UNC13C: variants seen among roughly 807,000 people sequenced by gnomAD.
The protein encoded by UNC13C is protein unc-13 homolog C.
Under a neutral mutation model 245.4 loss-of-function variants are expected in UNC13C, and 174 were observed. The ratio of observed to expected loss-of-function variants is 0.71; its 90% CI spans 0.63 to 0.80. UNC13C has a LOEUF of 0.80. Ranked by LOEUF, UNC13C falls within the 30% of genes least tolerant of loss-of-function variation. The pLI, the probability that UNC13C is intolerant of heterozygous loss-of-function variation, is 0.00. For missense variants in UNC13C, 2,829 were observed against 2,602.9 expected, an observed-to-expected ratio of 1.09 and a Z score of -1.89; for synonymous variants, 992 against 895.1, an observed-to-expected ratio of 1.11 and a Z score of -1.93.
downstream of UNC13C, chr15:54,633,215 T>C (rs558265332): frequency 6.6e-6 from 1 of 152,108 alleles, no homozygotes; most frequent in African/African-American, 2.4e-5. Context: ...ACTTATTAAA[T>C]CCATACACCA....
intron 30 of UNC13C, among the ~76,000 whole-genome samples, chr15:54,584,247 A>G (rs995810295): frequency 1.3e-5 from 2 of 152,186 alleles, no homozygotes; most frequent in South Asian, 2.1e-4. Flanking sequence ...CTGACAATAT[A>G]TATTTATACT....
Position 54,400,176 on chromosome 15 carries a change from T to C in UNC13C, c.4847+6995T>C, listed in dbSNP as rs79760210. Among the ~76,000 whole-genome samples, 428 of 152,152 alleles carry C rather than the reference T, an allele frequency of 2.8e-3. 1 individual carries two copies. The highest frequency in any genetic ancestry group is 9.8e-3 in the African/African-American group (408 of 41,536). On this transcript the variant is annotated intron_variant, in intron 18 of 32. Transcript: ENST00000260323. ...AAAAATTATGGCTTTCTTTTGTACA[T>C]CACAACTAATAACATTAACGGTAAG... is the stretch of plus-strand genomic sequence containing the variant.
In UNC13C at chr15:53,988,675, A is replaced by G. The variant is rs753843495; in HGVS notation, c.-257+9748A>G. On this transcript the variant is annotated intron_variant, in intron 1 of 32. Transcript: ENST00000260323. ...ATCTTGGGTTAGAACAGAGAAAAGTATAGTAAGGGGCAGGGCTATTGTTGG... is the reference window on the plus strand; with the variant it reads ...ATCTTGGGTTAGAACAGAGAAAAGTGTAGTAAGGGGCAGGGCTATTGTTGG... Among the ~76,000 whole-genome samples the G allele has an allele frequency of 1.0e-3, 159 of 152,018 alleles. 1 individual carries two copies. The highest frequency in any genetic ancestry group is 3.7e-4 in the Non-Finnish European group (25 of 67,968).
In UNC13C at chr15:54,042,385, C is replaced by T. The variant is rs570348021; in HGVS notation, c.2983+26499C>T. On this transcript the variant is annotated intron_variant, in intron 2 of 32. Transcript: ENST00000260323. ...ACCGGAACACACCTGCAGGTTTAGG[C>T]AAATGGGTAAATATACTGATACTGC... Among the ~76,000 whole-genome samples the T allele has an allele frequency of 1.1e-4, 17 of 152,224 alleles. No individual in the cohort carries two copies. In the South Asian group the frequency reaches 2.7e-3, roughly 24 times the overall value.
In UNC13C at chr15:54,530,339, C is replaced by G. The variant is rs146402881; in HGVS notation, c.5547-2578C>G. Among the ~76,000 whole-genome samples, 6 of 152,174 alleles carry G rather than the reference C, an allele frequency of 3.9e-5. No homozygotes were observed. In the East Asian group the frequency reaches 1.2e-3, roughly 29 times the overall value. ...GTGTACTGAGAACATTAAGATCTGT[C>G]CTCTTAGCAAATTTCAAGTATATAA... On this transcript the variant is annotated intron_variant, in intron 25 of 32. Transcript: ENST00000260323.
intron 2 of UNC13C, among the ~76,000 whole-genome samples, chr15:54,063,950 G>T (rs1014688365): frequency 6.6e-6 from 1 of 152,144 alleles, no homozygotes; most frequent in Non-Finnish European, 1.5e-5. Context: ...AACACATACT[G>T]TTTTTTGACA....
At chr15:54,187,971 C>T (rs1456385498) in intron 4 of UNC13C, among the ~76,000 whole-genome samples, 1 of 152,022 alleles carries the variant, frequency 6.6e-6, no homozygotes, top group Non-Finnish European at 1.5e-5. Context: ...CACCCCACCA[C>T]CATGCACGGA....
At chr15:53,905,383 A>G in the UNC13C span, among the ~76,000 whole-genome samples, 1 of 130,890 alleles carries the variant, frequency 7.6e-6, no homozygotes, top group Non-Finnish European at 1.6e-5. Context: ...TATTACATTT[A>G]TATTATATTA....
At chr15:54,576,719 C>G (rs1897970372) in intron 30 of UNC13C, among the ~76,000 whole-genome samples, 1 of 152,202 alleles carries the variant, frequency 6.6e-6, no homozygotes, top group South Asian at 2.1e-4. Flanking sequence ...CTCTTCTCCC[C>G]TCTTGTCCCC....
the UNC13C span, among the ~76,000 whole-genome samples, chr15:53,944,404 C>A: frequency 1.3e-5 from 2 of 152,032 alleles, no homozygotes; most frequent in South Asian, 4.2e-4. Flanking sequence ...CCTTTCCCTC[C>A]TCCTGCCTTC....
chr15:54,132,184 C>T (rs1014137334), intron 2 of UNC13C, among the ~76,000 whole-genome samples: 4 of 151,450 alleles, frequency 2.6e-5, no homozygotes, highest in African/African-American at 7.3e-5. Context: ...CGTTCTCCTC[C>T]CTCAGCCTCC....
At chr15:54,338,935 C>T (rs1262889725) in intron 17 of UNC13C, among the ~76,000 whole-genome samples, 3 of 152,158 alleles carry the variant, frequency 2.0e-5, no homozygotes, top group African/African-American at 4.8e-5. Flanking sequence ...GGCGCAATCT[C>T]GGCTCACTGC....
At chr15:53,959,999 T>G in the UNC13C span, among the ~76,000 whole-genome samples, 1 of 152,286 alleles carries the variant, frequency 6.6e-6, no homozygotes, top group South Asian at 2.1e-4. Context: ...AGCATTACTT[T>G]TCCCATTAAA....
intron 17 of UNC13C, among the ~76,000 whole-genome samples, chr15:54,345,053 T>C (rs956242442): frequency 6.6e-6 from 1 of 152,192 alleles, no homozygotes; most frequent in East Asian, 1.9e-4. Flanking sequence ...AAACTCCACA[T>C]GATCTGGCCT....
chr15:54,231,211 C>T (rs1392926076), intron 4 of UNC13C, among the ~76,000 whole-genome samples: 3 of 152,086 alleles, frequency 2.0e-5, no homozygotes, highest in Non-Finnish European at 4.4e-5. Flanking sequence ...CCTGGATCAA[C>T]TGGTACATGT....
chr15:54,562,230 C>A lies in UNC13C; in HGVS notation c.5959-5570C>A, dbSNP rs79704523. On this transcript the variant is annotated intron_variant, in intron 29 of 32. Transcript: ENST00000260323. ...GAACTCCAGCATTCACATAGCTCTT[C>A]CAGTTAGAGTAATCACCATTTGACA... is the stretch of plus-strand genomic sequence containing the variant. Among the ~76,000 whole-genome samples, 792 of 152,086 alleles carry A rather than the reference C, an allele frequency of 5.2e-3. 1 individual carries two copies. Among genetic ancestry groups the A allele is most frequent in the Middle Eastern group, 0.01 (3 of 294 alleles).
intron 2 of UNC13C, among the ~76,000 whole-genome samples, chr15:54,017,525 A>G (rs1394801869): frequency 6.6e-6 from 1 of 151,796 alleles, no homozygotes; most frequent in African/African-American, 2.4e-5. Flanking sequence ...GTTTGTATAT[A>G]TCTGTTGTGA....
the UNC13C span, among the ~76,000 whole-genome samples, chr15:53,882,068 T>C: frequency 6.6e-6 from 1 of 152,346 alleles, no homozygotes; most frequent in South Asian, 2.1e-4. Flanking sequence ...AATTAACCTC[T>C]AAAATGCTTA....
At chr15:54,510,516 C>G (rs1332343677) in intron 23 of UNC13C, among the ~76,000 whole-genome samples, 1 of 142,610 alleles carries the variant, frequency 7.0e-6, no homozygotes, top group Non-Finnish European at 1.5e-5. Context: ...GGGGATACAT[C>G]TCAGATATCT....
Sources: gnomAD v4.1 joint callset for allele counts (sites outside exome capture counted in the v4.1 genomes callset) on GRCh38, gnomAD v4.1.1 for gene constraint, MANE v1.5 for transcripts, NCBI Gene and HGNC (gene_info 2026-07-23, HGNC 2026-07-21) for gene names.